SLCO2B1: variants seen among roughly 807,000 people sequenced by gnomAD.
SLCO2B1 encodes solute carrier organic anion transporter family member 2B1, also known as OATP-RP2.
A neutral mutation model predicts 67.3 loss-of-function variants in SLCO2B1; 41 were observed. The observed-to-expected ratio is 0.61, with a 90% CI of 0.47 to 0.79. SLCO2B1 has a LOEUF of 0.79. Ranked by LOEUF, SLCO2B1 falls within the 30% of genes least tolerant of loss-of-function variation. The pLI is 0.00. For synonymous variants in SLCO2B1, 379 were observed against 381.4 expected (o/e 0.99, Z 0.07); for missense variants, 837 against 920.1 (o/e 0.91, Z 1.17).
intron 1 of SLCO2B1, among the ~76,000 whole-genome samples, chr11:75,158,943 C>T (rs1392642317): frequency 6.6e-6 from 1 of 152,196 alleles, no homozygotes; most frequent in Admixed American, 6.5e-5. Context: ...TGAAACCTTG[C>T]TCCTCATCAC....
At chr11:75,189,676 G>A (rs1175453881) in intron 8 of SLCO2B1, among the ~76,000 whole-genome samples, 1 of 152,116 alleles carries the variant, frequency 6.6e-6, no homozygotes, top group African/African-American at 2.4e-5. Context: ...GCAGGACATG[G>A]TGGCTCACAC....
At chr11:75,152,787 G>A (rs1591803939) in intron 1 of SLCO2B1, among the ~76,000 whole-genome samples, 1 of 152,100 alleles carries the variant, frequency 6.6e-6, no homozygotes. Context: ...CTGCCTGGTG[G>A]GCCATTGGGT....
intron 1 of SLCO2B1, among the ~76,000 whole-genome samples, chr11:75,155,784 T>C (rs1949739972): frequency 6.6e-6 from 1 of 151,992 alleles, no homozygotes; most frequent in African/African-American, 2.4e-5. Flanking sequence ...GAAAGATAAG[T>C]GGTTTGCTGG....
At chr11:75,176,545 G>C (rs975926109) in intron 7 of SLCO2B1, among the ~76,000 whole-genome samples, 1 of 152,224 alleles carries the variant, frequency 6.6e-6, no homozygotes, top group East Asian at 1.9e-4. Context: ...TGCCTCGAAT[G>C]GTCTATGACT....
At chr11:75,171,179 C>G (rs1344051750) in intron 6 of SLCO2B1, among the ~76,000 whole-genome samples, 1 of 152,246 alleles carries the variant, frequency 6.6e-6, no homozygotes, top group Non-Finnish European at 1.5e-5. Context: ...ACTGAGTCCT[C>G]TGGTCCCTGC....
At chr11:75,202,771 T>A (rs1310744124) in intron 11 of SLCO2B1, 130 bp from the exon 12 acceptor site, 2 of 805,358 alleles carry the variant, frequency 2.5e-6, no homozygotes, top group Non-Finnish European at 4.3e-6. Context: ...GCCTAGATCA[T>A]CAGATGGGAG....
chr11:75,201,023 C>CTTTTTTT (rs11396188), intron 11 of SLCO2B1: 6 of 99,888 alleles, frequency 6.0e-5, no homozygotes, highest in African/African-American at 1.7e-4. Flanking sequence ...ATAGTTTTTC[C>CTTTTTTT]TTTTTTTTTT....
chr11:75,162,911 G>A, intron 2 of SLCO2B1, 126 bp downstream of exon 2: 1 of 1,187,572 alleles, frequency 8.4e-7, no homozygotes, highest in Non-Finnish European at 1.2e-6. Flanking sequence ...ATGTGTGGCT[G>A]TGAGGATCAA....
At chr11:75,168,675 C>T (rs1273639011) in intron 4 of SLCO2B1, among the ~76,000 whole-genome samples, 1 of 152,200 alleles carries the variant, frequency 6.6e-6, no homozygotes, top group Non-Finnish European at 1.5e-5. Flanking sequence ...GCCTTGCCCT[C>T]ATACTTTGTG....
At chr11:75,190,721 G>A (rs1945009323) in intron 8 of SLCO2B1, among the ~76,000 whole-genome samples, 2 of 152,212 alleles carry the variant, frequency 1.3e-5, no homozygotes, top group Admixed American at 1.3e-4. Flanking sequence ...CTAATTGGAA[G>A]AAGCATAGTC....
chr11:75,199,063 C>A (rs1945143954), intron 10 of SLCO2B1, among the ~76,000 whole-genome samples: 1 of 152,180 alleles, frequency 6.6e-6, no homozygotes, highest in Non-Finnish European at 1.5e-5. Flanking sequence ...GGGCAGGATG[C>A]CTCTCTCCCA....
Position 75,204,745 on chromosome 11 carries a change from T to C in SLCO2B1, c.*165T>C. 1 of 556,926 alleles carries C rather than the reference T, an allele frequency of 1.8e-6. No homozygotes were observed. Among genetic ancestry groups the C allele is most frequent in the Non-Finnish European group, 2.9e-6 (1 of 341,776 alleles). The allele number at this position is 556,926 out of a possible 1,614,324, so 34.5% of individuals were successfully genotyped here. On this transcript the variant is annotated 3_prime_UTR_variant, in exon 14 of 14. Coordinates refer to ENST00000289575, the MANE Select transcript of SLCO2B1 (RefSeq NM_007256.5). The stretch of plus-strand genomic sequence containing the variant: ...CATTGATCCTCTCTCAGCCTTTGCT[T>C]GCTAGTCTGAACCAAAGAGTTGTTT...
rs1331653488 is a variant in SLCO2B1 at position 75,169,288 on chromosome 11, G to T, written c.564G>T (p.Val188=). The change falls in exon 5 of 14, where the codon GTG becomes GTT. Residue 188 remains valine, a synonymous_variant. Transcript: ENST00000289575. ...SSYTETQHLS[V]VGIMFVAQTL... is the part of the protein sequence containing the mutation. Reference sequence around the variant, plus strand: ...ACACAGAAACCCAGCATCTGAGTGTGGTGGGGATCATGTTCGTGGCACAGA... The same window carrying T: ...ACACAGAAACCCAGCATCTGAGTGTTGTGGGGATCATGTTCGTGGCACAGA... The T allele has an allele frequency of 3.1e-6, 5 of 1,614,062 alleles. No individual in the cohort carries two copies. The highest frequency in any genetic ancestry group is 1.3e-5 in the African/African-American group (1 of 74,932).
At chr11:75,203,145 G>A (rs937032090) in intron 12 of SLCO2B1, 162 bp from the exon 13 acceptor site, 5 of 1,191,870 alleles carry the variant, frequency 4.2e-6, no homozygotes, top group Non-Finnish European at 6.0e-6. Context: ...AGTCTAGACA[G>A]CCCGTCAGGA....
chr11:75,192,108 C>A (rs531377193), intron 8 of SLCO2B1, among the ~76,000 whole-genome samples: 23 of 152,322 alleles, frequency 1.5e-4, no homozygotes, highest in Admixed American at 3.3e-4. Flanking sequence ...AGATCCCCCC[C>A]ACCATTCTTT....
chr11:75,200,038 C>T (rs1945157903), intron 10 of SLCO2B1, 186 bp from the exon 11 acceptor site: 1 of 576,682 alleles, frequency 1.7e-6, no homozygotes, highest in Non-Finnish European at 3.0e-6. Flanking sequence ...ATAGACAGCC[C>T]TTGAGGTGCC....
At chr11:75,176,892 G>T (rs1487441360) in intron 7 of SLCO2B1, among the ~76,000 whole-genome samples, 1 of 152,170 alleles carries the variant, frequency 6.6e-6, no homozygotes, top group African/African-American at 2.4e-5. Context: ...GGAGGGATTG[G>T]CCCATAGAGG....
intron 10 of SLCO2B1, 80 bp downstream of exon 10, chr11:75,196,759 C>A (rs577101035): frequency 1.6e-6 from 2 of 1,270,714 alleles, no homozygotes; most frequent in Non-Finnish European, 2.2e-6. Context: ...ATACTCTCCA[C>A]TTCTGCATGC....
chr11:75,163,173 C>T (rs942897653), intron 2 of SLCO2B1, among the ~76,000 whole-genome samples: 1 of 152,192 alleles, frequency 6.6e-6, no homozygotes, highest in South Asian at 2.1e-4. Flanking sequence ...GGGTGCCAGG[C>T]GCTGTGCCAG....
Sources: allele counts gnomAD v4.1 joint callset (sites outside exome capture counted in the v4.1 genomes callset), GRCh38; gene constraint gnomAD v4.1.1; transcripts MANE v1.5; gene names NCBI Gene and HGNC (gene_info 2026-07-23, HGNC 2026-07-21).